The following ARMH3 variants were observed in gnomAD, a reference collection of about 807,000 sequenced individuals.
ARMH3 encodes armadillo-like helical domain-containing protein 3.
Under a neutral mutation model 99.1 loss-of-function variants are expected in ARMH3, and 60 were observed. The observed-to-expected ratio is 0.61, with a 90% CI of 0.49 to 0.75. The LOEUF (loss-of-function observed/expected upper bound fraction) is 0.75. ARMH3 is among the 30% of genes least tolerant of loss of function. The pLI is 0.00. For missense variants in ARMH3, 679 were observed against 843.1 expected (o/e 0.81, Z 2.41); for synonymous variants, 285 against 292.8 (o/e 0.97, Z 0.27).
intron 24 of ARMH3, among the ~76,000 whole-genome samples, chr10:101,886,371 A>T (rs979039219): frequency 7.0e-6 from 1 of 142,916 alleles, no homozygotes; most frequent in Non-Finnish European, 1.6e-5. Context: ...TCAGCCAGGC[A>T]TGGTGGCATG....
chr10:101,988,637 G>A (rs1195890682), intron 19 of ARMH3, among the ~76,000 whole-genome samples: 1 of 152,058 alleles, frequency 6.6e-6, no homozygotes, highest in Non-Finnish European at 1.5e-5. Context: ...CTAAGAAGCC[G>A]GAAGGTTGGG....
intron 23 of ARMH3, among the ~76,000 whole-genome samples, chr10:101,896,726 T>C (rs894262582): frequency 7.9e-5 from 12 of 152,218 alleles, no homozygotes; most frequent in African/African-American, 2.2e-4. Context: ...GCAATGCTGA[T>C]GGCAGTAGGA....
chr10:102,018,352 T>A (rs1266658012), intron 8 of ARMH3, among the ~76,000 whole-genome samples: 3 of 152,226 alleles, frequency 2.0e-5, no homozygotes, highest in African/African-American at 4.8e-5. Flanking sequence ...AGAACTCATA[T>A]GAATAAGGCA....
At chr10:102,007,948 C>T (rs1262774545) in intron 13 of ARMH3, among the ~76,000 whole-genome samples, 1 of 152,044 alleles carries the variant, frequency 6.6e-6, no homozygotes, top group Non-Finnish European at 1.5e-5. Flanking sequence ...GGTGAGACAC[C>T]CAGTAGGGAC....
intron 15 of ARMH3, among the ~76,000 whole-genome samples, chr10:101,999,708 G>A (rs1282824656): frequency 6.6e-6 from 1 of 152,094 alleles, no homozygotes; most frequent in Non-Finnish European, 1.5e-5. Context: ...TGGATATCTA[G>A]GAAAATGTCC....
chr10:102,053,826 T>C (rs1362479979), intron 1 of ARMH3, among the ~76,000 whole-genome samples: 1 of 151,908 alleles, frequency 6.6e-6, no homozygotes, highest in Non-Finnish European at 1.5e-5. Flanking sequence ...ACCCGGCTAA[T>C]TTTTTGTATT....
chr10:101,867,600 A>T (rs983297582), intron 24 of ARMH3, among the ~76,000 whole-genome samples: 3 of 152,170 alleles, frequency 2.0e-5, no homozygotes, highest in Non-Finnish European at 4.4e-5. Context: ...TGGGAGGTCA[A>T]GGTGGGAGGA....
intron 24 of ARMH3, among the ~76,000 whole-genome samples, chr10:101,870,846 G>T (rs1244918901): frequency 6.6e-6 from 1 of 152,082 alleles, no homozygotes; most frequent in Non-Finnish European, 1.5e-5. Flanking sequence ...GGCTGAAGTG[G>T]GAGGATCACC....
At chr10:101,995,255 T>C (rs1847002404) in intron 16 of ARMH3, 42 bp downstream of exon 16, 1 of 1,552,294 alleles carries the variant, frequency 6.4e-7, no homozygotes. Context: ...AGATAGCACT[T>C]TGTAAAAGAC....
intron 1 of ARMH3, among the ~76,000 whole-genome samples, chr10:102,054,710 T>C (rs181945362): frequency 6.6e-6 from 1 of 152,250 alleles, no homozygotes. Context: ...TCAAAACTTT[T>C]TCTGGCCGGG....
chr10:101,986,652 T>TCTG (rs1440671210), intron 19 of ARMH3, among the ~76,000 whole-genome samples: 1 of 152,150 alleles, frequency 6.6e-6, no homozygotes, highest in African/African-American at 2.4e-5. Context: ...AATTTCTCAT[T>TCTG]CTGCTGTATA....
At chr10:101,948,035 G>C (rs1451811822) in intron 22 of ARMH3, among the ~76,000 whole-genome samples, 5 of 152,060 alleles carry the variant, frequency 3.3e-5, no homozygotes, top group Non-Finnish European at 7.4e-5. Context: ...AGCAGGTACA[G>C]AAGAGCCAAA....
intron 22 of ARMH3, among the ~76,000 whole-genome samples, chr10:101,954,937 G>GT (rs1844960507): frequency 1.3e-5 from 2 of 152,152 alleles, no homozygotes; most frequent in South Asian, 4.2e-4. Context: ...AGTTGAGCAG[G>GT]TATGTCAGAC....
intron 23 of ARMH3, among the ~76,000 whole-genome samples, chr10:101,918,235 G>A (rs994663414): frequency 3.9e-5 from 6 of 152,148 alleles, no homozygotes; most frequent in Admixed American, 1.3e-4. Context: ...TGTATTTTTA[G>A]TAGAGACGGG....
At chr10:101,934,202 C>T (rs2135685235) in intron 23 of ARMH3, among the ~76,000 whole-genome samples, 1 of 152,350 alleles carries the variant, frequency 6.6e-6, no homozygotes, top group Admixed American at 6.5e-5. Flanking sequence ...GCCTCCCCAG[C>T]AGTGTACACT....
chr10:101,996,529 A>G (rs1224152794), intron 15 of ARMH3, among the ~76,000 whole-genome samples: 1 of 152,202 alleles, frequency 6.6e-6, no homozygotes, highest in Non-Finnish European at 1.5e-5. Context: ...GCCAAAGAGT[A>G]ATGCCCTTGC....
rs995725331 is a variant in ARMH3, at chr10:101,846,854, G to A, written c.*674C>T. ...ACGCTCCTGTAGTCCCAGCTACTCG[G>A]GAGGCTGAGGCAGGAGAATCGCTTG... On this transcript the variant is annotated 3_prime_UTR_variant, in exon 26 of 26. Transcript: ENST00000370033. 3.3e-5 allele frequency: 5 copies of A among 152,570 alleles called. No homozygotes were observed. Among genetic ancestry groups the A allele is most frequent in the Non-Finnish European group, 7.3e-5 (5 of 68,322 alleles). 9.5% of individuals were successfully genotyped at this position (152,570 alleles called of 1,614,324 possible).
rs1407402105 is a variant in ARMH3 at position 101,847,335 on chromosome 10, A to G, written c.*193T>C. The G allele has an allele frequency of 7.1e-6, 4 of 564,598 alleles. No homozygotes were observed. Among genetic ancestry groups the G allele is most frequent in the Non-Finnish European group, 1.3e-5 (4 of 316,594 alleles). 35.0% of individuals were successfully genotyped at this position (564,598 alleles called of 1,614,324 possible). On this transcript the variant is annotated 3_prime_UTR_variant, in exon 26 of 26. Transcript: ENST00000370033. Reference sequence around the variant, plus strand: ...CCACTGTGCCCACCCATTCCTCCCCAAATAAGATTATCCCTGGCTTGACCC... The same window carrying G: ...CCACTGTGCCCACCCATTCCTCCCCGAATAAGATTATCCCTGGCTTGACCC...
At chr10:102,007,119 CCACTG>C (rs2066511666) in intron 13 of ARMH3, among the ~76,000 whole-genome samples, 1 of 136,022 alleles carries the variant, frequency 7.4e-6, no homozygotes, top group Admixed American at 8.3e-5. Flanking sequence ...TGATATCACG[CCACTG>C]CACTCCAGCC....
Sources: allele counts gnomAD v4.1 joint callset (sites outside exome capture counted in the v4.1 genomes callset), GRCh38; gene constraint gnomAD v4.1.1; transcripts MANE v1.5; gene names NCBI Gene and HGNC (gene_info 2026-07-23, HGNC 2026-07-21).